Variants in MRTFB observed in about 807,000 individuals in gnomAD.
MRTFB encodes the protein myocardin related transcription factor B.
MRTFB carries 29 observed loss-of-function variants against 104.2 expected under a neutral mutation model. The observed-to-expected ratio is 0.28, with a 90% CI of 0.21 to 0.38. MRTFB has a LOEUF of 0.38. Among genes scored for constraint, MRTFB ranks in the 10% least tolerant of loss-of-function variants. The pLI is 1.00. For synonymous variants in MRTFB, 535 were observed against 519.5 expected (o/e 1.03, Z -0.41); for missense variants, 1,270 against 1,341.6 (o/e 0.95, Z 0.83).
intron 8 of MRTFB, among the ~76,000 whole-genome samples, chr16:14,224,690 AT>A (rs2041917604): frequency 1.3e-5 from 2 of 152,250 alleles, no homozygotes; most frequent in South Asian, 4.1e-4. Flanking sequence ...TATATTTAAA[AT>A]GGTGAAAGAA....
intron 15 of MRTFB, among the ~76,000 whole-genome samples, chr16:14,253,366 G>A (rs538609008): frequency 1.1e-4 from 17 of 152,240 alleles, no homozygotes; most frequent in African/African-American, 3.9e-4. Flanking sequence ...ATATCCAAGC[G>A]GTACTGTTTA....
intron 8 of MRTFB, among the ~76,000 whole-genome samples, chr16:14,226,136 A>T (rs2041993744): frequency 6.6e-6 from 1 of 152,230 alleles, no homozygotes; most frequent in Non-Finnish European, 1.5e-5. Flanking sequence ...TAATATTGTT[A>T]ATATGTCAGT....
intron 2 of MRTFB, among the ~76,000 whole-genome samples, chr16:14,094,825 G>T (rs565901205): frequency 1.3e-5 from 2 of 152,342 alleles, no homozygotes; most frequent in Admixed American, 1.3e-4. Context: ...CTAAAAGCCA[G>T]TGTTCCATGC....
chr16:14,154,458 G>A (rs548801470), intron 3 of MRTFB, among the ~76,000 whole-genome samples: 1 of 152,290 alleles, frequency 6.6e-6, no homozygotes, highest in East Asian at 1.9e-4. Context: ...TTAAAATGTA[G>A]TCTGACAATC....
intron 2 of MRTFB, among the ~76,000 whole-genome samples, chr16:14,139,543 A>G (rs2037889476): frequency 6.6e-6 from 1 of 152,176 alleles, no homozygotes; most frequent in Non-Finnish European, 1.5e-5. Context: ...TGATCCAGCC[A>G]TTTCACTCCT....
chr16:14,038,708 A>G, the MRTFB span, among the ~76,000 whole-genome samples: 15 of 152,306 alleles, frequency 9.8e-5, no homozygotes, highest in East Asian at 1.9e-3. Context: ...ACCCCAGTTT[A>G]TATGGGTCAG....
chr16:14,200,824 G>A lies in MRTFB; in HGVS notation c.155-9419G>A, dbSNP rs189201749. 16 of 1,470,276 alleles carry A rather than the reference G, an allele frequency of 1.1e-5. No individual in the cohort carries two copies. In the East Asian group the frequency reaches 3.2e-4, roughly 29 times the overall value. 91.1% of individuals were successfully genotyped at this position (1,470,276 alleles called of 1,614,324 possible). On this transcript the variant is annotated intron_variant, in intron 3 of 16. Transcript: ENST00000571589. ...TCAGAGTAAAAAGTGGTTGGCGGTG[G>A]TTATCGTGGGTGTGGTGCTACAAGG...
Position 14,247,381 on chromosome 16 carries a change from G to T in MRTFB, c.2121G>T (p.Pro707=), listed in dbSNP as rs751326841. 18 of 1,613,764 alleles carry T rather than the reference G, an allele frequency of 1.1e-5. No homozygotes were observed. Among genetic ancestry groups the T allele is most frequent in the Non-Finnish European group, 1.4e-5 (17 of 1,180,036 alleles). ...QFYVSSQGQP[P]PAVVAQPQAL... is the part of the protein sequence containing the mutation. ...ATGTGAGTTCCCAGGGACAGCCACCGCCTGCTGTTGTTGCTCAGCCCCAGG... is the reference window on the plus strand; with the variant it reads ...ATGTGAGTTCCCAGGGACAGCCACCTCCTGCTGTTGTTGCTCAGCCCCAGG... Residue 707 remains proline, a synonymous_variant, in exon 12 of 17, where the codon CCG becomes CCT. Transcript: ENST00000571589.
intron 3 of MRTFB, chr16:14,141,047 T>C (rs187422053): frequency 6.1e-6 from 2 of 325,492 alleles, no homozygotes; most frequent in East Asian, 6.8e-5. Context: ...TGGAATGGCA[T>C]TGGAAAGTAG....
the MRTFB span, among the ~76,000 whole-genome samples, chr16:14,008,559 T>C: frequency 6.6e-6 from 1 of 152,248 alleles, no homozygotes; most frequent in Non-Finnish European, 1.5e-5. Context: ...TCTGTCCTTA[T>C]GTCAATTTCA....
rs2043859578 is a variant in MRTFB at position 14,263,907 on chromosome 16, G to A, written c.*2463G>A. 6.6e-6 allele frequency: 1 copy of A among 152,240 alleles called. No individual in the cohort carries two copies. Among genetic ancestry groups the A allele is most frequent in the South Asian group, 2.1e-4 (1 of 4,830 alleles). 9.4% of individuals were successfully genotyped at this position (152,240 alleles called of 1,614,324 possible). A position where few individuals can be genotyped will look rare whatever the true frequency, so the allele number is the denominator to read the frequency against. On this transcript the variant is annotated 3_prime_UTR_variant, in exon 17 of 17. Coordinates refer to ENST00000571589, the MANE Select transcript of MRTFB (RefSeq NM_001308142.2). Reference sequence around the variant, plus strand: ...CCAGCCAGGCACCTGTGACACGAGTGCTGCTCTCCAGGATCTCCACTACAT... The same window carrying A: ...CCAGCCAGGCACCTGTGACACGAGTACTGCTCTCCAGGATCTCCACTACAT...
rs541497253 is a variant in MRTFB at position 14,167,497 on chromosome 16, C to T, written c.154+26737C>T. On this transcript the variant is annotated intron_variant, in intron 3 of 16. Transcript: ENST00000571589. Reference sequence around the variant, plus strand: ...GATAGTTTATTTAGTTTATTTTGCTCTTTAGTTTAATTAGATCCCATTTGT... The same window carrying T: ...GATAGTTTATTTAGTTTATTTTGCTTTTTAGTTTAATTAGATCCCATTTGT... Among the ~76,000 whole-genome samples the T allele has an allele frequency of 2.6e-5, 4 of 151,970 alleles. No individual in the cohort carries two copies. The South Asian group carries it at 8.3e-4, about 32-fold the overall frequency.
intron 2 of MRTFB, among the ~76,000 whole-genome samples, chr16:14,127,648 A>G (rs1376969694): frequency 6.6e-6 from 1 of 150,582 alleles, no homozygotes; most frequent in Non-Finnish European, 1.5e-5. Context: ...GTCTCAAAAA[A>G]AAAAAAAAAA....
intron 5 of MRTFB, 115 bp downstream of exon 5, chr16:14,212,524 T>C (rs985635549): frequency 1.1e-6 from 1 of 940,330 alleles, no homozygotes; most frequent in African/African-American, 1.6e-5. Context: ...GAAAAAATAG[T>C]GTATTTTCAG....
At position 14,264,881 on chromosome 16, in the gene MRTFB, T is replaced by G. The variant is rs1234541448; in HGVS notation, c.*3437T>G. ...TCCTGGACCCTCAACCCCAGATCAT[T>G]CCAGGCAGCATAGCTTTCTTCACAG... On this transcript the variant is annotated 3_prime_UTR_variant, in exon 17 of 17. Transcript: ENST00000571589. 1 of 152,186 alleles carries G rather than the reference T, an allele frequency of 6.6e-6. No individual in the cohort carries two copies. The highest frequency in any genetic ancestry group is 2.4e-5 in the African/African-American group (1 of 41,420). The allele number at this position is 152,186 out of a possible 1,614,324, so 9.4% of individuals were successfully genotyped here.
chr16:14,046,329 A>T, the MRTFB span, among the ~76,000 whole-genome samples: 53 of 152,218 alleles, frequency 3.5e-4, no homozygotes, highest in Admixed American at 9.2e-4. Context: ...CTGTCTCAAA[A>T]ATATACATAT....
At chr16:14,215,330 A>G (rs532954185) in intron 6 of MRTFB, among the ~76,000 whole-genome samples, 6 of 152,252 alleles carry the variant, frequency 3.9e-5, no homozygotes, top group Middle Eastern at 3.4e-3. Context: ...GTATCTTAAA[A>G]CCACCACCAC....
intron 15 of MRTFB, among the ~76,000 whole-genome samples, chr16:14,256,272 G>T (rs142945786): frequency 3.8e-3 from 560 of 149,216 alleles, no homozygotes; most frequent in African/African-American, 0.013. Flanking sequence ...ACTTAACCAT[G>T]TCAGTAATTA....
chr16:14,147,650 A>T (rs2038386542), intron 3 of MRTFB, among the ~76,000 whole-genome samples: 1 of 152,128 alleles, frequency 6.6e-6, no homozygotes. Context: ...GCTGGCAGTG[A>T]GTTTGATCTC....
Sources: gnomAD v4.1 joint callset for allele counts (sites outside exome capture counted in the v4.1 genomes callset) on GRCh38, gnomAD v4.1.1 for gene constraint, MANE v1.5 for transcripts, NCBI Gene and HGNC (gene_info 2026-07-23, HGNC 2026-07-21) for gene names.